Variants in LSAMP observed in about 807,000 individuals in gnomAD.
The protein encoded by LSAMP is limbic system associated membrane protein.
In LSAMP, 7 loss-of-function variants were observed where a neutral mutation model predicts 38.6. The ratio of observed to expected loss-of-function variants is 0.18; its 90% CI spans 0.10 to 0.34. The LOEUF is 0.34. Among genes scored for constraint, LSAMP ranks in the 10% least tolerant of loss-of-function variants. The probability of loss-of-function intolerance (pLI) is 1.00; values close to 1 mark genes in which losing one functional copy is unlikely to be tolerated. For synonymous variants in LSAMP, 154 were observed against 166.8 expected, an observed-to-expected ratio of 0.92 and a Z score of 0.59; for missense variants, 313 against 420.0, an observed-to-expected ratio of 0.75 and a Z score of 2.23.
At chr3:116,240,155 T>C (rs1029749983) in intron 1 of LSAMP, among the ~76,000 whole-genome samples, 103 of 152,352 alleles carry the variant, frequency 6.8e-4, no homozygotes, top group African/African-American at 2.4e-3. Flanking sequence ...GAAAGTTTTA[T>C]GGATATAAGT....
chr3:115,816,584 AT>A lies in LSAMP; in HGVS notation c.920-6171del, dbSNP rs542438984. ...TGCTGTGAAATCTTAATTTTGACAT[AT>A]GGAAGGTAACCAAAAATAAGAACCA... is the stretch of plus-strand genomic sequence containing the variant. On this transcript the variant is annotated intron_variant, in intron 6 of 6. Coordinates refer to ENST00000490035, the MANE Select transcript of LSAMP (RefSeq NM_002338.5). The A allele has an allele frequency of 8.5e-3, 10,674 of 1,258,954 alleles. 72 individuals are homozygous for A. Among genetic ancestry groups the A allele is most frequent in the Middle Eastern group, 0.015 (65 of 4,318 alleles). 78.0% of individuals were successfully genotyped at this position (1,258,954 alleles called of 1,614,324 possible). A position where few individuals can be genotyped will look rare whatever the true frequency, so the allele number is the denominator to read the frequency against.
chr3:115,818,790 T>TTTTATATATATATATATATA (rs1553734999), intron 6 of LSAMP, among the ~76,000 whole-genome samples: 1 of 69,786 alleles, frequency 1.4e-5, no homozygotes, highest in Admixed American at 1.6e-4. Flanking sequence ...AGTTGTACTT[T>TTTTATATATATATATATATA]TATATATATA....
intron 1 of LSAMP, among the ~76,000 whole-genome samples, chr3:116,118,521 T>C (rs1708803663): frequency 6.6e-6 from 1 of 152,188 alleles, no homozygotes; most frequent in South Asian, 2.1e-4. Flanking sequence ...TGTATATTTG[T>C]CTTTAGGAAA....
At chr3:116,108,311 G>A (rs759154919) in intron 1 of LSAMP, among the ~76,000 whole-genome samples, 1 of 146,622 alleles carries the variant, frequency 6.8e-6, no homozygotes, top group Non-Finnish European at 1.5e-5. Context: ...CTGGGCAGGT[G>A]GGGATAACTA....
chr3:116,188,918 C>G (rs149980865), intron 1 of LSAMP, among the ~76,000 whole-genome samples: 193 of 152,298 alleles, frequency 1.3e-3, no homozygotes, highest in African/African-American at 4.5e-3. Context: ...TGTTAAAAGT[C>G]TTTGCAGTCT....
intron 1 of LSAMP, among the ~76,000 whole-genome samples, chr3:116,170,013 C>A (rs1035881465): frequency 6.6e-6 from 1 of 152,150 alleles, no homozygotes; most frequent in Non-Finnish European, 1.5e-5. Flanking sequence ...AAATCATAAT[C>A]ATACACCCAG....
chr3:116,168,888 A>G (rs1016128581), intron 1 of LSAMP, among the ~76,000 whole-genome samples: 8 of 152,184 alleles, frequency 5.3e-5, no homozygotes, highest in African/African-American at 1.4e-4. Flanking sequence ...CCTTTTTTAA[A>G]ATGAATACTA....
intron 3 of LSAMP, among the ~76,000 whole-genome samples, chr3:115,947,697 A>G (rs1000120393): frequency 6.6e-6 from 1 of 152,242 alleles, no homozygotes; most frequent in Admixed American, 6.5e-5. Flanking sequence ...AAAATAATTC[A>G]TAAATTATTC....
rs1260526341 is a variant in LSAMP at position 116,318,399 on chromosome 3, C to T, written c.155+126478G>A. 3.9e-5 allele frequency among the ~76,000 whole-genome samples: 6 copies of T among 152,254 alleles called. No individual in the cohort carries two copies. In the East Asian group the frequency reaches 1.2e-3, roughly 29 times the overall value. On this transcript the variant is annotated intron_variant, in intron 1 of 6. Transcript: ENST00000490035. ...GGAGGAGAAAAGGGTTGGGCACAAC[C>T]ATCTCTGATGTCCTTCCAGTCTGAC...
chr3:116,069,924 A>T (rs867910788), intron 2 of LSAMP, among the ~76,000 whole-genome samples: 4 of 152,350 alleles, frequency 2.6e-5, no homozygotes, highest in Middle Eastern at 6.8e-3. Flanking sequence ...AGATGAAGTC[A>T]TCAATGGACA....
At chr3:116,209,261 C>T (rs531545135) in intron 1 of LSAMP, among the ~76,000 whole-genome samples, 25 of 152,262 alleles carry the variant, frequency 1.6e-4, no homozygotes, top group East Asian at 1.6e-3. Context: ...CTTTGGCTCG[C>T]GCACGGTGCG....
chr3:116,365,762 AAC>A (rs1275213050), intron 1 of LSAMP, among the ~76,000 whole-genome samples: 2 of 106,254 alleles, frequency 1.9e-5, no homozygotes, highest in East Asian at 4.9e-4. Context: ...CTATCGCAAG[AAC>A]AAAAAACCAA....
At chr3:116,211,898 A>C (rs2079203893) in intron 1 of LSAMP, among the ~76,000 whole-genome samples, 1 of 152,212 alleles carries the variant, frequency 6.6e-6, no homozygotes, top group African/African-American at 2.4e-5. Flanking sequence ...CAGCAGATAG[A>C]TGATAGCAGG....
rs543597461 is a variant in LSAMP at position 115,869,001 on chromosome 3, A to G, written c.515-16384T>C. ...AAACCCATATTTTATCCTAGTGACA[A>G]AGCTGTTAAGCTCAGTTTCTAGAAT... On this transcript the variant is annotated intron_variant, in intron 3 of 6. Coordinates refer to ENST00000490035, the MANE Select transcript of LSAMP (RefSeq NM_002338.5). Among the ~76,000 whole-genome samples, 26 of 152,256 alleles carry G rather than the reference A, an allele frequency of 1.7e-4. 1 individual carries two copies. In the South Asian group the frequency reaches 5.2e-3, roughly 30 times the overall value.
chr3:116,331,078 A>G (rs1253695683), intron 1 of LSAMP, among the ~76,000 whole-genome samples: 1 of 152,170 alleles, frequency 6.6e-6, no homozygotes, highest in Non-Finnish European at 1.5e-5. Flanking sequence ...CTAAAAATAA[A>G]CAAATTACGG....
At chr3:116,039,926 G>T (rs1299148003) in intron 2 of LSAMP, among the ~76,000 whole-genome samples, 1 of 151,922 alleles carries the variant, frequency 6.6e-6, no homozygotes, top group Non-Finnish European at 1.5e-5. Context: ...AACATACATC[G>T]CTAAAGCCCT....
intron 3 of LSAMP, among the ~76,000 whole-genome samples, chr3:115,947,672 TA>T (rs914162798): frequency 4.6e-5 from 7 of 152,200 alleles, no homozygotes; most frequent in African/African-American, 9.6e-5. Flanking sequence ...TATAATTCAA[TA>T]AAAAAAGTTT....
intron 1 of LSAMP, among the ~76,000 whole-genome samples, chr3:116,335,461 A>G (rs1295502024): frequency 2.0e-5 from 3 of 152,102 alleles, no homozygotes; most frequent in Non-Finnish European, 4.4e-5. Context: ...CGGGTTTCAA[A>G]TATTACTACA....
chr3:116,186,133 GC>G (rs1710610998), intron 1 of LSAMP, among the ~76,000 whole-genome samples: 1 of 152,094 alleles, frequency 6.6e-6, no homozygotes, highest in Admixed American at 6.6e-5. Flanking sequence ...TGTGTGTCTG[GC>G]TATGTCAGGC....
Sources: allele counts gnomAD v4.1 joint callset (sites outside exome capture counted in the v4.1 genomes callset), GRCh38; gene constraint gnomAD v4.1.1; transcripts MANE v1.5; gene names NCBI Gene and HGNC (gene_info 2026-07-23, HGNC 2026-07-21).